Variants in NCK2 observed in about 807,000 individuals in gnomAD.
The protein encoded by NCK2 is cytoplasmic protein NCK2.
NCK2 carries 16 observed loss-of-function variants against 33.9 expected under a neutral mutation model. That is an observed-to-expected ratio of 0.47 (90% CI 0.32 to 0.72). NCK2 has a LOEUF of 0.72. Ranked by LOEUF, NCK2 falls within the 30% of genes least tolerant of loss-of-function variation. The pLI is 0.03. For missense variants in NCK2, 418 were observed against 537.3 expected, an observed-to-expected ratio of 0.78 and a Z score of 2.19; for synonymous variants, 273 against 239.9, an observed-to-expected ratio of 1.14 and a Z score of -1.27.
chr2:105,798,987 A>G (rs1488373102), intron 1 of NCK2, among the ~76,000 whole-genome samples: 1 of 151,882 alleles, frequency 6.6e-6, no homozygotes. Flanking sequence ...TGAAGTTCAG[A>G]TGTCCCTTTT....
At chr2:105,769,741 G>A (rs1391084388) in intron 1 of NCK2, among the ~76,000 whole-genome samples, 4 of 152,222 alleles carry the variant, frequency 2.6e-5, no homozygotes, top group African/African-American at 9.6e-5. Flanking sequence ...GGCCACAGGA[G>A]CCACTGTGGC....
chr2:105,865,394 C>T (rs1218761719), intron 3 of NCK2, among the ~76,000 whole-genome samples: 1 of 152,150 alleles, frequency 6.6e-6, no homozygotes, highest in Non-Finnish European at 1.5e-5. Context: ...CATTTGAGCC[C>T]AGTGTGGCCT....
chr2:105,783,780 G>A (rs1319094996), intron 1 of NCK2, among the ~76,000 whole-genome samples: 1 of 152,038 alleles, frequency 6.6e-6, no homozygotes, highest in African/African-American at 2.4e-5. Context: ...GTTCCTGAGC[G>A]ACTTCAGTGT....
Position 105,746,811 on chromosome 2 carries a change from G to C in NCK2, c.-201+1673G>C, listed in dbSNP as rs140242023. 3.3e-3 allele frequency among the ~76,000 whole-genome samples: 509 copies of C among 152,328 alleles called. 1 individual carries two copies. Among genetic ancestry groups the C allele is most frequent in the Non-Finnish European group, 5.3e-3 (364 of 68,042 alleles). On this transcript the variant is annotated intron_variant, in intron 1 of 4. Transcript: ENST00000233154. ...TTGGTTAGATGTAGTTTTGATTGGA[G>C]AAGGTGGCGGAATCTTAGTGGTCTT...
At chr2:105,875,182 C>T (rs1488041409) in intron 3 of NCK2, among the ~76,000 whole-genome samples, 2 of 152,206 alleles carry the variant, frequency 1.3e-5, no homozygotes, top group African/African-American at 4.8e-5. Flanking sequence ...CTCAGGAGCT[C>T]TGTGTCCTTG....
At chr2:105,862,828 A>G (rs17031883) in intron 3 of NCK2, among the ~76,000 whole-genome samples, 16,045 of 152,266 alleles carry the variant, frequency 0.11, 1,130 homozygotes, top group East Asian at 0.27. Flanking sequence ...CCTGTGCACT[A>G]AAAGAAGCAG....
intron 1 of NCK2, among the ~76,000 whole-genome samples, chr2:105,789,013 T>C (rs1007757866): frequency 7.2e-5 from 11 of 152,144 alleles, no homozygotes; most frequent in African/African-American, 2.7e-4. Flanking sequence ...TAATGCACGC[T>C]TCTCTGCCAA....
intron 4 of NCK2, among the ~76,000 whole-genome samples, chr2:105,883,974 C>T (rs550393916): frequency 7.2e-5 from 11 of 152,316 alleles, no homozygotes; most frequent in Admixed American, 6.5e-4. Context: ...TGAGGTTCCA[C>T]GTGGCCTGAT....
intron 1 of NCK2, among the ~76,000 whole-genome samples, chr2:105,772,302 A>G (rs1690159701): frequency 6.6e-6 from 1 of 152,088 alleles, no homozygotes; most frequent in South Asian, 2.1e-4. Flanking sequence ...CCCAAAGGAG[A>G]GCCTTCTGCC....
At chr2:105,758,608 C>T (rs1243594186) in intron 1 of NCK2, among the ~76,000 whole-genome samples, 1 of 151,916 alleles carries the variant, frequency 6.6e-6, no homozygotes, top group Non-Finnish European at 1.5e-5. Context: ...CGGGGTTTCA[C>T]CATATTGGCC....
At chr2:105,771,410 T>C (rs1690132319) in intron 1 of NCK2, among the ~76,000 whole-genome samples, 1 of 151,640 alleles carries the variant, frequency 6.6e-6, no homozygotes, top group Admixed American at 6.6e-5. Context: ...CTATTAAAAA[T>C]ATAAAAATTA....
chr2:105,787,498 G>A (rs1690720816), intron 1 of NCK2, among the ~76,000 whole-genome samples: 1 of 152,164 alleles, frequency 6.6e-6, no homozygotes, highest in Admixed American at 6.5e-5. Flanking sequence ...CCATCGGCAA[G>A]CCAGAAAGTG....
intron 1 of NCK2, among the ~76,000 whole-genome samples, chr2:105,750,668 G>A (rs1689428706): frequency 6.6e-6 from 1 of 152,232 alleles, no homozygotes; most frequent in African/African-American, 2.4e-5. Flanking sequence ...AAGGTTTTAA[G>A]TAGAGTGATT....
At chr2:105,744,869 C>CGCT (rs1689212207), upstream of NCK2, 1 of 159,670 alleles carries the variant, frequency 6.3e-6, no homozygotes, top group Admixed American at 6.8e-5. Flanking sequence ...GGAGGGTCGC[C>CGCT]GCCGCCGCCG....
intron 2 of NCK2, among the ~76,000 whole-genome samples, chr2:105,849,456 T>C (rs1400811212): frequency 6.6e-6 from 1 of 152,056 alleles, no homozygotes. Flanking sequence ...GGTTAGTCAG[T>C]GGAAAGGTGA....
In NCK2 at chr2:105,868,119, A is replaced by G. The variant is rs117813704; in HGVS notation, c.226+12830A>G. 1.9e-3 allele frequency among the ~76,000 whole-genome samples: 296 copies of G among 152,310 alleles called. 2 individuals are homozygous for G. Among genetic ancestry groups the G allele is most frequent in the African/African-American group, 6.1e-3 (253 of 41,578 alleles). On this transcript the variant is annotated intron_variant, in intron 3 of 4. Coordinates refer to ENST00000233154, the MANE Select transcript of NCK2 (RefSeq NM_003581.5). ...AGGTGGGCATCTGTAGGGCTCCTGC[A>G]TGGCCCACGTGCTGCCTTGGTGTAA...
At chr2:105,763,177 G>A (rs542775490) in intron 1 of NCK2, among the ~76,000 whole-genome samples, 8 of 152,224 alleles carry the variant, frequency 5.3e-5, no homozygotes, top group Admixed American at 1.3e-4. Flanking sequence ...CAGCCTGGGC[G>A]ACAGAACGAG....
At chr2:105,762,473 G>T (rs1337133115) in intron 1 of NCK2, among the ~76,000 whole-genome samples, 3 of 152,198 alleles carry the variant, frequency 2.0e-5, no homozygotes, top group Non-Finnish European at 4.4e-5. Context: ...ATGTCCCAGG[G>T]TCTTGACGTA....
intron 3 of NCK2, among the ~76,000 whole-genome samples, chr2:105,869,134 G>A (rs183104184): frequency 1.5e-4 from 23 of 152,270 alleles, no homozygotes; most frequent in African/African-American, 3.1e-4. Context: ...CTGTTCATAC[G>A]TGCCCTCACA....
Sources: gnomAD v4.1 joint callset for allele counts (sites outside exome capture counted in the v4.1 genomes callset) on GRCh38, gnomAD v4.1.1 for gene constraint, MANE v1.5 for transcripts, NCBI Gene and HGNC (gene_info 2026-07-23, HGNC 2026-07-21) for gene names.